Variants in SLC39A11 observed in about 807,000 individuals in gnomAD.
SLC39A11 encodes zinc transporter ZIP11.
Under a neutral mutation model 36.1 loss-of-function variants are expected in SLC39A11, and 33 were observed. The observed-to-expected ratio is 0.91, with a 90% confidence interval of 0.69 to 1.22. SLC39A11 has a LOEUF of 1.22. SLC39A11 is among the 50% of genes most tolerant of loss of function. The probability of loss-of-function intolerance (pLI) is 0.00; values close to 1 mark genes in which losing one functional copy is unlikely to be tolerated. For missense variants in SLC39A11, 432 were observed against 430.3 expected, an observed-to-expected ratio of 1.00 and a Z score of -0.03; for synonymous variants, 166 against 170.3, an observed-to-expected ratio of 0.97 and a Z score of 0.20.
At chr17:72,967,458 G>C (rs1396704405) in intron 4 of SLC39A11, among the ~76,000 whole-genome samples, 1 of 148,952 alleles carries the variant, frequency 6.7e-6, no homozygotes, top group Middle Eastern at 3.2e-3. Context: ...GCATATCCTG[G>C]GAGCCATCCT....
At chr17:72,757,383 T>C (rs1444743424) in intron 6 of SLC39A11, among the ~76,000 whole-genome samples, 2 of 152,068 alleles carry the variant, frequency 1.3e-5, no homozygotes, top group Non-Finnish European at 2.9e-5. Flanking sequence ...CAATTGAGTT[T>C]CTCCTTCAGA....
chr17:72,952,164 T>G (rs1376407703), intron 4 of SLC39A11, among the ~76,000 whole-genome samples: 1 of 151,982 alleles, frequency 6.6e-6, no homozygotes, highest in Non-Finnish European at 1.5e-5. Flanking sequence ...ATCTCCGGAG[T>G]AATGCCAAGG....
intron 6 of SLC39A11, among the ~76,000 whole-genome samples, chr17:72,824,812 A>T (rs1481264162): frequency 1.3e-5 from 2 of 151,308 alleles, no homozygotes; most frequent in Non-Finnish European, 3.0e-5. Context: ...GGTATCTAGC[A>T]GAAGAAATTT....
intron 7 of SLC39A11, among the ~76,000 whole-genome samples, chr17:72,658,239 C>T (rs1316866751): frequency 6.6e-6 from 1 of 152,160 alleles, no homozygotes; most frequent in African/African-American, 2.4e-5. Flanking sequence ...CATTCATGGG[C>T]TTGGCCTCTC....
intron 7 of SLC39A11, among the ~76,000 whole-genome samples, chr17:72,729,982 C>G (rs7221363): frequency 0.016 from 2,363 of 152,184 alleles, 59 homozygotes; most frequent in African/African-American, 0.053. Context: ...CAAGACAATG[C>G]GGTCTGAATG....
At chr17:72,968,988 G>A (rs1243980004) in intron 4 of SLC39A11, among the ~76,000 whole-genome samples, 1 of 151,904 alleles carries the variant, frequency 6.6e-6, no homozygotes, top group African/African-American at 2.4e-5. Context: ...ACGTGCTCAG[G>A]TCTACCATGG....
intron 7 of SLC39A11, among the ~76,000 whole-genome samples, chr17:72,716,922 C>T (rs1009809273): frequency 1.4e-4 from 20 of 146,172 alleles, no homozygotes; most frequent in East Asian, 1.0e-3. Flanking sequence ...TGAGCCAAGA[C>T]GATGCCACTG....
At chr17:73,058,226 T>C (rs1318135195) in intron 3 of SLC39A11, among the ~76,000 whole-genome samples, 1 of 152,188 alleles carries the variant, frequency 6.6e-6, no homozygotes, top group African/African-American at 2.4e-5. Flanking sequence ...TGGCCTGAAA[T>C]CTGGTTATCA....
intron 3 of SLC39A11, among the ~76,000 whole-genome samples, chr17:73,035,801 T>G (rs187925369): frequency 7.5e-6 from 1 of 134,216 alleles, no homozygotes; most frequent in African/African-American, 2.8e-5. Flanking sequence ...GAGGCGGAGG[T>G]TGCAGCGAGC....
At chr17:73,024,864 A>ATTTTTTTTTTTTTTTTTT (rs1163840820) in intron 4 of SLC39A11, among the ~76,000 whole-genome samples, 4 of 97,900 alleles carry the variant, frequency 4.1e-5, no homozygotes, top group African/African-American at 3.9e-5. Context: ...TGCCCAGCTA[A>ATTTTTTTTTTTTTTTTTT]TTTTTTTTTT....
At chr17:73,009,356 A>T (rs891470407) in intron 4 of SLC39A11, among the ~76,000 whole-genome samples, 3 of 278 alleles carry the variant, frequency 0.011, no homozygotes, top group African/African-American at 0.021. Flanking sequence ...CTCCATCTCA[A>T]AAAAAAAAAA....
chr17:73,061,322 T>C (rs2059833246), intron 3 of SLC39A11, among the ~76,000 whole-genome samples: 1 of 152,046 alleles, frequency 6.6e-6, no homozygotes, highest in South Asian at 2.1e-4. Flanking sequence ...ATTGCACCAC[T>C]GCACTCCAGC....
At chr17:72,799,347 A>G (rs1479914423) in intron 6 of SLC39A11, among the ~76,000 whole-genome samples, 1 of 152,222 alleles carries the variant, frequency 6.6e-6, no homozygotes, top group African/African-American at 2.4e-5. Flanking sequence ...TGTTTGAACA[A>G]TATGAAATCA....
rs777634022 is a variant in SLC39A11 at position 72,947,791 on chromosome 17, C to T, written c.391G>A (p.Ala131Thr). The T allele has an allele frequency of 1.2e-5, 20 of 1,614,016 alleles. No individual in the cohort carries two copies. In the Middle Eastern group the frequency reaches 4.9e-4, roughly 40 times the overall value. ...MKKKSDPEGP[A>T]LLFPESELSI... is the part of the protein sequence containing the mutation. ...AGTTCACTCTCAGGGAAGAGCAGCG[C>T]GGGACCCTCAGGATCAGACTTCTTC... is the stretch of plus-strand genomic sequence containing the variant. The change falls in exon 5 of 10, where the codon GCG becomes ACG. Residue 131 changes from alanine to threonine, a missense_variant. Physicochemically the swap from Ala to Thr is moderately conservative, Grantham distance 58. Coordinates refer to ENST00000255559, the MANE Select transcript of SLC39A11 (RefSeq NM_139177.4).
At chr17:73,062,454 C>A (rs966617080) in intron 3 of SLC39A11, among the ~76,000 whole-genome samples, 2 of 13,802 alleles carry the variant, frequency 1.4e-4, no homozygotes, top group African/African-American at 5.1e-4. Flanking sequence ...AGTGCCAGAG[C>A]TTGTCTCAAA....
chr17:72,981,973 T>C (rs2088353836), intron 4 of SLC39A11, among the ~76,000 whole-genome samples: 1 of 152,138 alleles, frequency 6.6e-6, no homozygotes, highest in African/African-American at 2.4e-5. Context: ...GCCGGAGCAG[T>C]GGCACACATC....
intron 4 of SLC39A11, among the ~76,000 whole-genome samples, chr17:73,024,541 A>G (rs2058464380): frequency 6.6e-6 from 1 of 152,196 alleles, no homozygotes; most frequent in South Asian, 2.1e-4. Flanking sequence ...TCAGAATGCT[A>G]AAGATGAAGG....
chr17:72,756,298 C>CT (rs1457083105), intron 6 of SLC39A11, among the ~76,000 whole-genome samples: 2 of 152,224 alleles, frequency 1.3e-5, no homozygotes, highest in Non-Finnish European at 2.9e-5. Context: ...CGTCAAAGCA[C>CT]TGAAAGCAGG....
chr17:72,895,195 G>T (rs1000206004), intron 5 of SLC39A11, among the ~76,000 whole-genome samples: 2 of 152,170 alleles, frequency 1.3e-5, no homozygotes, highest in African/African-American at 2.4e-5. Flanking sequence ...GGAGGCAGCA[G>T]GGTTGGTGCG....
Sources: gnomAD v4.1 joint callset for allele counts (sites outside exome capture counted in the v4.1 genomes callset) on GRCh38, gnomAD v4.1.1 for gene constraint, MANE v1.5 for transcripts, NCBI Gene and HGNC (gene_info 2026-07-23, HGNC 2026-07-21) for gene names.